The following ZEB2 variants were observed in gnomAD, a reference collection of about 807,000 sequenced individuals.
ZEB2 encodes zinc finger E-box binding homeobox 2.
Under a neutral mutation model 99.9 loss-of-function variants are expected in ZEB2, and 6 were observed. That is an observed-to-expected ratio of 0.06 (90% CI 0.03 to 0.12). The LOEUF (loss-of-function observed/expected upper bound fraction) is 0.12. ZEB2 is among the 10% of genes least tolerant of loss of function. The pLI is 1.00. For synonymous variants in ZEB2, 517 were observed against 542.5 expected (o/e 0.95, Z 0.65); for missense variants, 969 against 1,502.8 (o/e 0.64, Z 5.87).
chr2:144,390,083 T>G, intron 9 of ZEB2, 55 bp from the exon 10 acceptor site: 1 of 1,573,960 alleles, frequency 6.4e-7, no homozygotes, highest in Admixed American at 1.7e-5. Context: ...GAAGTCTCTT[T>G]CCACTAATTC....
chr2:144,424,310 G>T (rs1326278656), intron 4 of ZEB2: 2 of 508,386 alleles, frequency 3.9e-6, no homozygotes, highest in Admixed American at 4.1e-5. Flanking sequence ...TACAAGTAAA[G>T]AAAGGATTAA....
Position 144,407,809 on chromosome 2 carries a change from C to A in ZEB2, c.404-2785G>T, listed in dbSNP as rs772991121. 2.9e-4 allele frequency among the ~76,000 whole-genome samples: 44 copies of A among 152,146 alleles called. 1 individual carries two copies. Among genetic ancestry groups the A allele is most frequent in the Admixed American group, 1.7e-3 (26 of 15,274 alleles). ...TTGAGAATATTGTCCTACTTGATGA[C>A]CTTAGTGTAACCTAGTAAACATAGA... On this transcript the variant is annotated intron_variant, in intron 4 of 9. Transcript: ENST00000627532.
intron 2 of ZEB2, among the ~76,000 whole-genome samples, chr2:144,441,711 G>A (rs1703920730): frequency 6.6e-6 from 1 of 152,032 alleles, no homozygotes. Flanking sequence ...TTTAGACTAA[G>A]CCACCTTTTT....
At chr2:144,519,379 G>A (rs895851507) in intron 1 of ZEB2, 1 of 152,280 alleles carries the variant, frequency 6.6e-6, no homozygotes, top group African/African-American at 2.4e-5. Context: ...TCGCTAAGCA[G>A]ACAAAAACAG....
At chr2:144,479,423 G>C (rs935638047) in intron 2 of ZEB2, among the ~76,000 whole-genome samples, 3 of 152,134 alleles carry the variant, frequency 2.0e-5, no homozygotes, top group African/African-American at 4.8e-5. Flanking sequence ...TGGCCTGCTG[G>C]AATGCAGGGA....
chr2:144,397,302 T>C (rs1227698971), intron 8 of ZEB2, among the ~76,000 whole-genome samples: 3 of 152,220 alleles, frequency 2.0e-5, no homozygotes, highest in Non-Finnish European at 4.4e-5. Flanking sequence ...TAGACTATGT[T>C]TGTACTAATT....
At chr2:144,446,652 C>A (rs146950863) in intron 2 of ZEB2, among the ~76,000 whole-genome samples, 92 of 152,008 alleles carry the variant, frequency 6.1e-4, no homozygotes, top group African/African-American at 2.2e-3. Context: ...AATCAATCTA[C>A]TCTCATTTTT....
intron 2 of ZEB2, among the ~76,000 whole-genome samples, chr2:144,493,894 T>C (rs1024095056): frequency 1.3e-5 from 2 of 152,152 alleles, no homozygotes; most frequent in Non-Finnish European, 2.9e-5. Context: ...GGCTCACGCC[T>C]GTAATCCCAG....
At chr2:144,487,253 T>C (rs537059290) in intron 2 of ZEB2, among the ~76,000 whole-genome samples, 30 of 152,242 alleles carry the variant, frequency 2.0e-4, no homozygotes, top group Admixed American at 1.8e-3. Flanking sequence ...GGAAAGCCAG[T>C]GTTGTGATGG....
At chr2:144,517,960 C>A in intron 1 of ZEB2, 1 of 380,596 alleles carries the variant, frequency 2.6e-6, no homozygotes, top group Admixed American at 3.8e-5. Flanking sequence ...CCTCCCCTCC[C>A]CTTTTGGAGT....
chr2:144,438,862 A>C (rs1174058126), intron 2 of ZEB2, among the ~76,000 whole-genome samples: 1 of 152,148 alleles, frequency 6.6e-6, no homozygotes, highest in African/African-American at 2.4e-5. Context: ...CCTGACTAGG[A>C]CCCTGTTTTC....
At chr2:144,440,834 G>T in intron 2 of ZEB2, among the ~76,000 whole-genome samples, 1 of 151,678 alleles carries the variant, frequency 6.6e-6, no homozygotes, top group Non-Finnish European at 1.5e-5. Flanking sequence ...ATAATGTCAC[G>T]ATTCAGAGTA....
intron 4 of ZEB2, among the ~76,000 whole-genome samples, chr2:144,415,620 T>C (rs186672236): frequency 7.2e-4 from 109 of 152,230 alleles, no homozygotes; most frequent in African/African-American, 2.5e-3. Flanking sequence ...AGAGGAAGGG[T>C]CAACAAACTC....
intron 4 of ZEB2, among the ~76,000 whole-genome samples, chr2:144,406,325 T>C (rs1368563845): frequency 2.0e-5 from 3 of 152,242 alleles, no homozygotes; most frequent in Non-Finnish European, 2.9e-5. Context: ...AGGCTCATCC[T>C]TCGGGAAGCC....
intron 2 of ZEB2, among the ~76,000 whole-genome samples, chr2:144,453,855 CA>C (rs576214608): frequency 1.1e-3 from 166 of 152,230 alleles, no homozygotes; most frequent in African/African-American, 3.6e-3. Flanking sequence ...GAGAGAGGTC[CA>C]AAGGTATCTG....
At chr2:144,459,547 A>C (rs895453573) in intron 2 of ZEB2, among the ~76,000 whole-genome samples, 2 of 152,176 alleles carry the variant, frequency 1.3e-5, no homozygotes, top group African/African-American at 4.8e-5. Flanking sequence ...CACAGCTTAT[A>C]ATCAGAAAGT....
chr2:144,501,152 C>T (rs535426981), intron 2 of ZEB2, among the ~76,000 whole-genome samples: 79 of 152,182 alleles, frequency 5.2e-4, no homozygotes, highest in Non-Finnish European at 1.0e-3. Flanking sequence ...AAGATCTACA[C>T]TTAATATTCT....
intron 2 of ZEB2, among the ~76,000 whole-genome samples, chr2:144,500,274 T>C (rs1273719469): frequency 6.6e-6 from 1 of 152,242 alleles, no homozygotes; most frequent in Non-Finnish European, 1.5e-5. Context: ...TTAACCGCCC[T>C]GTAGATGTGA....
Position 144,387,170 on chromosome 2 carries a change from G to A in ZEB2, c.*2281C>T, listed in dbSNP as rs962417041. ...GCTAAGGAATAAATATAAATATGTT[G>A]TTCTTGCCAACTGGAAATATCATAC... is the stretch of plus-strand genomic sequence containing the variant. On this transcript the variant is annotated 3_prime_UTR_variant, in exon 10 of 10. Transcript: ENST00000627532. The A allele has an allele frequency of 2.6e-5, 4 of 151,428 alleles. No homozygotes were observed. Among genetic ancestry groups the A allele is most frequent in the African/African-American group, 4.9e-5 (2 of 41,162 alleles). The allele number at this position is 151,428 out of a possible 1,614,324, so 9.4% of individuals were successfully genotyped here. A position where few individuals can be genotyped will look rare whatever the true frequency, so the allele number is the denominator to read the frequency against.
Sources: gnomAD v4.1 joint callset for allele counts (sites outside exome capture counted in the v4.1 genomes callset) on GRCh38, gnomAD v4.1.1 for gene constraint, MANE v1.5 for transcripts, NCBI Gene and HGNC (gene_info 2026-07-23, HGNC 2026-07-21) for gene names.